NRG1: variants seen among roughly 807,000 people sequenced by gnomAD.
NRG1 encodes the protein neuregulin 1.
Under a neutral mutation model 63.8 loss-of-function variants are expected in NRG1, and 18 were observed. The ratio of observed to expected loss-of-function variants is 0.28; its 90% CI spans 0.19 to 0.42. The LOEUF (loss-of-function observed/expected upper bound fraction) is 0.42, where lower values mean the gene tolerates loss of function less well. Ranked by LOEUF, NRG1 falls within the 10% of genes least tolerant of loss-of-function variation. The probability of loss-of-function intolerance (pLI) is 1.00; values close to 1 mark genes in which losing one functional copy is unlikely to be tolerated. For synonymous variants in NRG1, 302 were observed against 301.3 expected, an observed-to-expected ratio of 1.00 and a Z score of -0.02; for missense variants, 762 against 814.7, an observed-to-expected ratio of 0.94 and a Z score of 0.79.
At position 32,353,213 on chromosome 8, in the gene NRG1, A is replaced by G. The variant is rs951974787; in HGVS notation, c.38-242615A>G. Reference sequence around the variant, plus strand: ...TTATGCCATGAAAGAGACAAATGAGATAGATTCAAGTTTCAAAATAACAAT... The same window carrying G: ...TTATGCCATGAAAGAGACAAATGAGGTAGATTCAAGTTTCAAAATAACAAT... On this transcript the variant is annotated intron_variant, in intron 1 of 10. Transcript: ENST00000519301. Among the ~76,000 whole-genome samples, 12 of 150,730 alleles carry G rather than the reference A, an allele frequency of 8.0e-5. No individual in the cohort carries two copies. The East Asian group carries it at 2.3e-3, about 29-fold the overall frequency.
chr8:32,036,918 T>G (rs557956601), intron 1 of NRG1, among the ~76,000 whole-genome samples: 1 of 152,328 alleles, frequency 6.6e-6, no homozygotes, highest in Non-Finnish European at 1.5e-5. Flanking sequence ...ACCCATCTTC[T>G]GAAGCCTACT....
chr8:32,390,820 G>A (rs11989773), intron 1 of NRG1, among the ~76,000 whole-genome samples: 42,776 of 151,542 alleles, frequency 0.28, 6,355 homozygotes, highest in Middle Eastern at 0.33. Flanking sequence ...TAGTACCAGC[G>A]TTCAGCACAG....
In NRG1 at chr8:31,882,502, C is replaced by T. The variant is rs566906002; in HGVS notation, c.37+243071C>T. Among the ~76,000 whole-genome samples the T allele has an allele frequency of 5.9e-5, 9 of 152,134 alleles. No individual in the cohort carries two copies. In the South Asian group the frequency reaches 8.3e-4, roughly 14 times the overall value. On this transcript the variant is annotated intron_variant, in intron 1 of 10. Coordinates refer to the NRG1 transcript ENST00000519301. ...CTCCTGGACCAAGGAGCAATTTCAA[C>T]GTCTAAGTCTTGTTATTGAAGAAAC...
intron 1 of NRG1, among the ~76,000 whole-genome samples, chr8:31,858,411 A>G (rs561506279): frequency 1.3e-5 from 2 of 152,312 alleles, no homozygotes; most frequent in South Asian, 4.1e-4. Flanking sequence ...TGGATGCCTC[A>G]TGAGCTGAGA....
At chr8:32,752,050 T>G (rs140643320) in intron 7 of NRG1, among the ~76,000 whole-genome samples, 1 of 152,262 alleles carries the variant, frequency 6.6e-6, no homozygotes, top group African/African-American at 2.4e-5. Flanking sequence ...GACTTGCCCA[T>G]CTTCAAAGAA....
chr8:31,639,879 G>A (rs1008961880), intron 1 of NRG1: 7 of 1,093,402 alleles, frequency 6.4e-6, no homozygotes, highest in Admixed American at 1.0e-4. Context: ...GAGGGCAAGG[G>A]GGGAGGAGGA....
chr8:32,523,993 T>A (rs1199503562), intron 1 of NRG1, among the ~76,000 whole-genome samples: 3 of 151,636 alleles, frequency 2.0e-5, no homozygotes, highest in African/African-American at 7.3e-5. Context: ...GTGTCCTGTA[T>A]CAGATTTCTT....
At chr8:31,763,488 C>T (rs1817751307) in intron 1 of NRG1, among the ~76,000 whole-genome samples, 1 of 152,194 alleles carries the variant, frequency 6.6e-6, no homozygotes, top group African/African-American at 2.4e-5. Flanking sequence ...TGTTTAGCTT[C>T]CCCCTTTCCA....
At chr8:31,943,234 C>A (rs1360426615) in intron 1 of NRG1, among the ~76,000 whole-genome samples, 1 of 152,108 alleles carries the variant, frequency 6.6e-6, no homozygotes, top group Non-Finnish European at 1.5e-5. Context: ...ACATTTGTAG[C>A]AACCTGGATG....
At chr8:31,804,881 T>C (rs1261823818) in intron 1 of NRG1, among the ~76,000 whole-genome samples, 1 of 152,194 alleles carries the variant, frequency 6.6e-6, no homozygotes, top group African/African-American at 2.4e-5. Context: ...CCTAGCCAAG[T>C]TGATAGAAAA....
chr8:32,332,488 T>C (rs867084479), intron 1 of NRG1, among the ~76,000 whole-genome samples: 1 of 152,184 alleles, frequency 6.6e-6, no homozygotes, highest in South Asian at 2.1e-4. Context: ...AGATTTTTAT[T>C]ACATCAATTA....
intron 1 of NRG1, among the ~76,000 whole-genome samples, chr8:31,926,115 C>T (rs1276892526): frequency 1.3e-5 from 2 of 152,150 alleles, no homozygotes; most frequent in Admixed American, 1.3e-4. Context: ...GATAGACCAG[C>T]TTGATGCAGT....
At chr8:31,747,276 T>C (rs1466814164) in intron 1 of NRG1, among the ~76,000 whole-genome samples, 1 of 151,932 alleles carries the variant, frequency 6.6e-6, no homozygotes. Context: ...GCATCCCATG[T>C]ACCCCGTGAA....
chr8:31,875,514 C>A (rs2129612080), intron 1 of NRG1, among the ~76,000 whole-genome samples: 1 of 152,202 alleles, frequency 6.6e-6, no homozygotes, highest in Non-Finnish European at 1.5e-5. Flanking sequence ...TAATTGAGAC[C>A]TAAACATGGC....
At chr8:32,310,594 G>A (rs1856705656) in intron 1 of NRG1, among the ~76,000 whole-genome samples, 1 of 152,178 alleles carries the variant, frequency 6.6e-6, no homozygotes, top group African/African-American at 2.4e-5. Flanking sequence ...CATGTCTGGT[G>A]ACTGGTTTTA....
At chr8:32,659,268 C>T (rs769696516) in intron 5 of NRG1, among the ~76,000 whole-genome samples, 2 of 151,892 alleles carry the variant, frequency 1.3e-5, no homozygotes, top group Admixed American at 6.6e-5. Context: ...CTCATTCTCC[C>T]GAGTGCTGGG....
intron 1 of NRG1, among the ~76,000 whole-genome samples, chr8:32,304,433 G>A (rs542228030): frequency 1.2e-3 from 189 of 152,152 alleles, no homozygotes; most frequent in Admixed American, 4.2e-3. Context: ...CAGTTTGTGG[G>A]AATAATAGTT....
chr8:32,178,784 A>T (rs1841089252), intron 1 of NRG1, among the ~76,000 whole-genome samples: 1 of 152,000 alleles, frequency 6.6e-6, no homozygotes, highest in Non-Finnish European at 1.5e-5. Flanking sequence ...TACATTTAGG[A>T]GGTAGGTTCG....
At chr8:31,727,559 C>T (rs1813573420) in intron 1 of NRG1, among the ~76,000 whole-genome samples, 1 of 152,136 alleles carries the variant, frequency 6.6e-6, no homozygotes, top group African/African-American at 2.4e-5. Context: ...TATCCTCTTT[C>T]AATTCTTCAA....
Sources: allele counts gnomAD v4.1 joint callset (sites outside exome capture counted in the v4.1 genomes callset), GRCh38; gene constraint gnomAD v4.1.1; transcripts MANE v1.5; gene names NCBI Gene and HGNC (gene_info 2026-07-23, HGNC 2026-07-21).